SETDB2: variants seen among roughly 807,000 people sequenced by gnomAD.
The protein encoded by SETDB2 is SET domain bifurcated histone lysine methyltransferase 2.
In SETDB2, 56 loss-of-function variants were observed where a neutral mutation model predicts 82.5. The ratio of observed to expected loss-of-function variants is 0.68; its 90% CI spans 0.55 to 0.85. SETDB2 has a LOEUF of 0.85. SETDB2 is among the 40% of genes least tolerant of loss of function. The pLI, the probability that SETDB2 is intolerant of heterozygous loss-of-function variation, is 0.00. For synonymous variants in SETDB2, 272 were observed against 284.9 expected, an observed-to-expected ratio of 0.95 and a Z score of 0.46; for missense variants, 677 against 816.4, an observed-to-expected ratio of 0.83 and a Z score of 2.08.
chr13:49,453,440 G>C (rs912196663), intron 2 of SETDB2, among the ~76,000 whole-genome samples: 1 of 151,978 alleles, frequency 6.6e-6, no homozygotes, highest in Non-Finnish European at 1.5e-5. Flanking sequence ...AGGATTACAG[G>C]TGTGTGCCGC....
intron 8 of SETDB2, chr13:49,482,433 T>A: frequency 1.9e-6 from 1 of 534,946 alleles, no homozygotes; most frequent in Non-Finnish European, 2.4e-6. Context: ...GTCATCTCTC[T>A]AATTTTCTAG....
intron 1 of SETDB2, among the ~76,000 whole-genome samples, chr13:49,449,012 G>A (rs564206110): frequency 5.9e-5 from 9 of 152,146 alleles, no homozygotes; most frequent in African/African-American, 1.4e-4. Flanking sequence ...TATTTGATAC[G>A]TTTCTTCTTA....
chr13:49,489,067 A>C (rs143775107), intron 12 of SETDB2: 2 of 155,988 alleles, frequency 1.3e-5, no homozygotes, highest in Non-Finnish European at 2.8e-5. Flanking sequence ...CAGGGATTTA[A>C]TGGTGTATTA....
chr13:49,457,318 T>C (rs1957903114), intron 2 of SETDB2, among the ~76,000 whole-genome samples: 1 of 151,862 alleles, frequency 6.6e-6, no homozygotes, highest in African/African-American at 2.4e-5. Flanking sequence ...TTTAAGTATT[T>C]CCTACCAGAA....
intron 5 of SETDB2, 151 bp from the exon 6 acceptor site, chr13:49,476,325 C>T: frequency 3.2e-6 from 2 of 627,160 alleles, no homozygotes; most frequent in Non-Finnish European, 5.3e-6. Flanking sequence ...TAGATATAAT[C>T]TTTGTATGGC....
chr13:49,485,626 T>A lies in SETDB2; in HGVS notation c.1483-4T>A. On this transcript the variant is annotated splice_polypyrimidine_tract_variant and splice_region_variant and intron_variant, in intron 10 of 13. Coordinates refer to ENST00000611815, the MANE Select transcript of SETDB2 (RefSeq NM_001160308.3). Reference sequence around the variant, plus strand: ...AGTAAAGACATCTTCCTTGTTTTTTTAAGGAATTTGTTTCCTCGGAGTCTG... The same window carrying A: ...AGTAAAGACATCTTCCTTGTTTTTTAAAGGAATTTGTTTCCTCGGAGTCTG... 1.9e-6 allele frequency: 3 copies of A among 1,609,232 alleles called. No individual in the cohort carries two copies. The highest frequency in any genetic ancestry group is 1.1e-5 in the South Asian group (1 of 90,318).
At chr13:49,460,827 A>C (rs1444257085) in intron 3 of SETDB2, among the ~76,000 whole-genome samples, 2 of 152,146 alleles carry the variant, frequency 1.3e-5, no homozygotes, top group African/African-American at 2.4e-5. Context: ...AAAAATTGGC[A>C]CTGTTTTTCA....
intron 2 of SETDB2, among the ~76,000 whole-genome samples, chr13:49,458,110 C>G (rs1235982253): frequency 6.6e-6 from 1 of 152,204 alleles, no homozygotes; most frequent in African/African-American, 2.4e-5. Flanking sequence ...CCTCATTAAG[C>G]TGATTGTTCT....
rs2138818608 is a variant in SETDB2, at chr13:49,451,819, A to G, written c.-75A>G. 4 of 1,193,810 alleles carry G rather than the reference A, an allele frequency of 3.4e-6. No individual in the cohort carries two copies. In the Admixed American group the frequency reaches 5.8e-5, roughly 17 times the overall value. The allele number at this position is 1,193,810 out of a possible 1,614,324, so 74.0% of individuals were successfully genotyped here. On this transcript the variant is annotated 5_prime_UTR_variant, in exon 2 of 14. Transcript: ENST00000611815. ...TTTATAGAGACCACAGTTGGATTCC[A>G]GTGATATTCTGCAATCAAAGTGATT...
chr13:49,480,582 A>G (rs772744412), intron 7 of SETDB2, among the ~76,000 whole-genome samples: 1 of 152,222 alleles, frequency 6.6e-6, no homozygotes, highest in Non-Finnish European at 1.5e-5. Flanking sequence ...CCCCTCTAGT[A>G]TCAGCCTACT....
At chr13:49,454,364 G>T (rs761412807) in intron 2 of SETDB2, among the ~76,000 whole-genome samples, 3 of 152,236 alleles carry the variant, frequency 2.0e-5, no homozygotes, top group African/African-American at 7.2e-5. Flanking sequence ...AGCTGAGATT[G>T]TGCCACTGTA....
chr13:49,489,822 C>G (rs1028092936), intron 12 of SETDB2, among the ~76,000 whole-genome samples: 1 of 148,812 alleles, frequency 6.7e-6, no homozygotes, highest in African/African-American at 2.5e-5. Context: ...TCTTGAACTC[C>G]TGACCTCAAG....
In SETDB2 at chr13:49,476,698, C is replaced by T. The variant is rs141543354; in HGVS notation, c.528C>T (p.His176=). 8.5e-5 allele frequency: 138 copies of T among 1,614,152 alleles called. 1 individual carries two copies. The African/African-American group carries it at 1.7e-3, about 20-fold the overall frequency. The change falls in exon 6 of 14, where the codon CAC becomes CAT. Residue 176 remains histidine (H), a synonymous_variant. Coordinates refer to ENST00000611815, the MANE Select transcript of SETDB2 (RefSeq NM_001160308.3). Reference sequence around the variant, plus strand: ...CAAACTCTCATTCTTCAGCACTCCACGTGAGTTATAAAACCCCTTGTGGAA... The same window carrying T: ...CAAACTCTCATTCTTCAGCACTCCATGTGAGTTATAAAACCCCTTGTGGAA... ...AKTNSHSSAL[H]VSYKTPCGRS... is the part of the protein sequence containing the mutation.
chr13:49,446,926 T>G (rs1957702096), intron 1 of SETDB2, among the ~76,000 whole-genome samples: 1 of 152,192 alleles, frequency 6.6e-6, no homozygotes. Flanking sequence ...GCATTTTTAG[T>G]TTTAATAGGT....
chr13:49,468,867 C>T (rs894940381), intron 5 of SETDB2, among the ~76,000 whole-genome samples: 1 of 151,720 alleles, frequency 6.6e-6, no homozygotes, highest in Non-Finnish European at 1.5e-5. Flanking sequence ...CAGTGGCTCA[C>T]AAAACATTTT....
chr13:49,474,290 T>C (rs983856264), intron 5 of SETDB2, among the ~76,000 whole-genome samples: 9 of 152,018 alleles, frequency 5.9e-5, no homozygotes, highest in Admixed American at 2.0e-4. Flanking sequence ...TCTAAATAAA[T>C]TATAGTATAT....
chr13:49,477,464 C>G (rs1958390851), intron 6 of SETDB2, among the ~76,000 whole-genome samples: 1 of 151,956 alleles, frequency 6.6e-6, no homozygotes, highest in Admixed American at 6.6e-5. Flanking sequence ...ATAAAAGAGT[C>G]TACAATGGGA....
chr13:49,469,183 A>G (rs184303198), intron 5 of SETDB2, among the ~76,000 whole-genome samples: 4 of 152,280 alleles, frequency 2.6e-5, no homozygotes, highest in Admixed American at 6.5e-5. Context: ...TAAGCTTTCT[A>G]ATCTTCATTA....
At position 49,480,972 on chromosome 13, in the gene SETDB2, AAATGT is replaced by A; in HGVS notation, c.1016_1020del (p.Cys339SerfsTer23). ...CATTTATGAATGCAGCCTTTTGTGC[AAATGT>A]AATCGACAATTGTGTCAAAACCGAG... On this transcript the variant is annotated frameshift_variant, in exon 8 of 14. Transcript: ENST00000611815. LOFTEE classifies it high-confidence loss of function. 6.2e-7 allele frequency: 1 copy of A among 1,614,132 alleles called. No homozygotes were observed. The highest frequency in any genetic ancestry group is 8.5e-7 in the Non-Finnish European group (1 of 1,179,978).
Sources: gnomAD v4.1 joint callset for allele counts (sites outside exome capture counted in the v4.1 genomes callset) on GRCh38, gnomAD v4.1.1 for gene constraint, MANE v1.5 for transcripts, NCBI Gene and HGNC (gene_info 2026-07-23, HGNC 2026-07-21) for gene names.